The following CTNNA3 variants were observed in gnomAD, a reference collection of about 807,000 sequenced individuals.
CTNNA3 encodes the protein catenin alpha 3.
CTNNA3 carries 76 observed loss-of-function variants against 95.7 expected under a neutral mutation model. That is an observed-to-expected ratio of 0.79 (90% CI 0.66 to 0.96). The LOEUF is 0.96. Ranked by LOEUF, CTNNA3 falls within the 40% of genes least tolerant of loss-of-function variation. The pLI, the probability that CTNNA3 is intolerant of heterozygous loss-of-function variation, is 0.00. For missense variants in CTNNA3, 1,191 were observed against 1,089.8 expected (o/e 1.09, Z -1.31); for synonymous variants, 431 against 374.4 (o/e 1.15, Z -1.74).
chr10:67,653,686 C>G (rs958100029), intron 1 of CTNNA3, among the ~76,000 whole-genome samples: 1 of 152,132 alleles, frequency 6.6e-6, no homozygotes, highest in Non-Finnish European at 1.5e-5. Flanking sequence ...CTCTTAAAGT[C>G]TAGGAGGCAT....
At chr10:67,634,387 C>A (rs1039130372) in intron 2 of CTNNA3, among the ~76,000 whole-genome samples, 18 of 152,262 alleles carry the variant, frequency 1.2e-4, no homozygotes, top group African/African-American at 4.3e-4. Flanking sequence ...CTGAAGTACA[C>A]AGACCAGTGA....
chr10:66,576,822 A>T (rs1311649262), intron 10 of CTNNA3, among the ~76,000 whole-genome samples: 1 of 151,550 alleles, frequency 6.6e-6, no homozygotes, highest in African/African-American at 2.4e-5. Context: ...TGGTAGAATG[A>T]TTTATTTTCC....
chr10:66,854,754 T>C (rs1843625822), intron 7 of CTNNA3, among the ~76,000 whole-genome samples: 1 of 151,632 alleles, frequency 6.6e-6, no homozygotes, highest in Admixed American at 6.6e-5. Flanking sequence ...TTTTTTTTTT[T>C]TGTCCATAGG....
chr10:66,466,635 G>A (rs748894737), intron 11 of CTNNA3, among the ~76,000 whole-genome samples: 14 of 151,354 alleles, frequency 9.2e-5, no homozygotes, highest in Non-Finnish European at 1.8e-4. Context: ...TCCCCAGCAA[G>A]AGCACACTCT....
chr10:66,756,565 C>T (rs1383940738), intron 9 of CTNNA3, among the ~76,000 whole-genome samples: 1 of 152,078 alleles, frequency 6.6e-6, no homozygotes, highest in East Asian at 1.9e-4. Context: ...GTCTAACATA[C>T]ACATGAATAA....
intron 3 of CTNNA3, among the ~76,000 whole-genome samples, chr10:67,603,866 A>G (rs912934829): frequency 2.0e-5 from 3 of 152,172 alleles, no homozygotes; most frequent in Non-Finnish European, 4.4e-5. Context: ...ACAGTGATAT[A>G]CAGTAATGTC....
chr10:66,655,359 G>A lies in CTNNA3; in HGVS notation c.1282-33575C>T, dbSNP rs974409677. Among the ~76,000 whole-genome samples, 3 of 151,950 alleles carry A rather than the reference G, an allele frequency of 2.0e-5. No individual in the cohort carries two copies. In the East Asian group the frequency reaches 5.8e-4, roughly 29 times the overall value. ...ATCTAGTACTAAACCTTAACAGATA[G>A]TTATTATTTTAAGACGACAGAAATG... On this transcript the variant is annotated intron_variant, in intron 9 of 17. Coordinates refer to ENST00000433211, the MANE Select transcript of CTNNA3 (RefSeq NM_013266.4).
At chr10:66,173,300 A>G (rs2085527230) in intron 13 of CTNNA3, among the ~76,000 whole-genome samples, 1 of 152,218 alleles carries the variant, frequency 6.6e-6, no homozygotes, top group African/African-American at 2.4e-5. Context: ...AGCAAACAAC[A>G]CAGATATAAA....
intron 1 of CTNNA3, among the ~76,000 whole-genome samples, chr10:67,728,081 T>TAATATGTAATATGTATG (rs1564841925): frequency 7.0e-6 from 1 of 142,566 alleles, no homozygotes; most frequent in African/African-American, 2.6e-5. Context: ...ATATTATATA[T>TAATATGTAATATGTATG]TATATAATAT....
chr10:67,132,212 T>C (rs1002953225), intron 7 of CTNNA3, among the ~76,000 whole-genome samples: 1 of 152,204 alleles, frequency 6.6e-6, no homozygotes, highest in East Asian at 1.9e-4. Context: ...CTAAATACAT[T>C]GCAAAGCATT....
intron 3 of CTNNA3, among the ~76,000 whole-genome samples, chr10:67,579,018 TATATATATATATATAC>T (rs1320726065): frequency 0.017 from 1,855 of 107,646 alleles, 43 homozygotes; most frequent in African/African-American, 0.058. Flanking sequence ...TATATATATA[TATATATATATATATAC>T]ACACACACAC....
At chr10:66,510,008 T>C (rs1840599372) in intron 11 of CTNNA3, among the ~76,000 whole-genome samples, 1 of 151,944 alleles carries the variant, frequency 6.6e-6, no homozygotes, top group Admixed American at 6.6e-5. Context: ...ATTTTAACAA[T>C]ATTAATTCTT....
intron 10 of CTNNA3, among the ~76,000 whole-genome samples, chr10:66,565,754 G>A (rs952955440): frequency 6.6e-5 from 10 of 152,218 alleles, no homozygotes; most frequent in African/African-American, 2.4e-4. Flanking sequence ...TAGGCTTTCC[G>A]AGCTCTGAGC....
chr10:66,588,808 G>A (rs1017472796), intron 10 of CTNNA3, among the ~76,000 whole-genome samples: 1 of 152,074 alleles, frequency 6.6e-6, no homozygotes, highest in African/African-American at 2.4e-5. Context: ...CAAAGTAGGA[G>A]TTGGACTTTT....
intron 11 of CTNNA3, among the ~76,000 whole-genome samples, chr10:66,430,148 T>G (rs2093281247): frequency 7.0e-6 from 1 of 142,936 alleles, no homozygotes; most frequent in Non-Finnish European, 1.5e-5. Flanking sequence ...GAACTCCCAT[T>G]CACAATTGCT....
chr10:67,726,410 T>TG (rs1564841096), intron 1 of CTNNA3, among the ~76,000 whole-genome samples: 2 of 57,010 alleles, frequency 3.5e-5, no homozygotes, highest in African/African-American at 2.3e-4. Flanking sequence ...TATTATATCA[T>TG]ATATAATATT....
chr10:66,890,506 G>T (rs1032618686), intron 7 of CTNNA3, among the ~76,000 whole-genome samples: 2 of 152,116 alleles, frequency 1.3e-5, no homozygotes, highest in Non-Finnish European at 2.9e-5. Flanking sequence ...ATACTGGTGA[G>T]AGATGGGGTA....
intron 7 of CTNNA3, among the ~76,000 whole-genome samples, chr10:67,148,717 C>G (rs1345429859): frequency 1.3e-5 from 2 of 152,062 alleles, no homozygotes; most frequent in African/African-American, 4.8e-5. Context: ...CAAATGTGAC[C>G]CAAGGTGAAA....
At chr10:66,273,837 G>A (rs1185289512) in intron 13 of CTNNA3, among the ~76,000 whole-genome samples, 1 of 151,936 alleles carries the variant, frequency 6.6e-6, no homozygotes, top group Admixed American at 6.6e-5. Context: ...TGAATGGCAA[G>A]CCATGAGGGT....
Sources: allele counts gnomAD v4.1 joint callset (sites outside exome capture counted in the v4.1 genomes callset), GRCh38; gene constraint gnomAD v4.1.1; transcripts MANE v1.5; gene names NCBI Gene and HGNC (gene_info 2026-07-23, HGNC 2026-07-21).